Variants in OVCH1 observed in about 807,000 individuals in gnomAD.
OVCH1 encodes ovochymase-1.
A neutral mutation model predicts 138.4 loss-of-function variants in OVCH1; 139 were observed. The ratio of observed to expected loss-of-function variants is 1.00; its 90% CI spans 0.87 to 1.16. The LOEUF (loss-of-function observed/expected upper bound fraction) is 1.16. Ranked by LOEUF, OVCH1 falls within the 50% of genes most tolerant of loss-of-function variation. The pLI, the probability that OVCH1 is intolerant of heterozygous loss-of-function variation, is 0.00. For missense variants in OVCH1, 1,367 were observed against 1,357.9 expected, an observed-to-expected ratio of 1.01 and a Z score of -0.11; for synonymous variants, 453 against 467.8, an observed-to-expected ratio of 0.97 and a Z score of 0.41.
chr12:29,446,211 G>T (rs1168181605), intron 22 of OVCH1, among the ~76,000 whole-genome samples: 7 of 152,044 alleles, frequency 4.6e-5, no homozygotes, highest in Non-Finnish European at 5.9e-5. Context: ...TCAGAACCAA[G>T]ATGACTCAGT....
chr12:29,437,273 AATTT>A (rs1214645690), intron 26 of OVCH1, among the ~76,000 whole-genome samples: 2 of 152,134 alleles, frequency 1.3e-5, no homozygotes, highest in Non-Finnish European at 2.9e-5. Flanking sequence ...TTCACCTCTT[AATTT>A]GTCATTTTTA....
At chr12:29,435,034 G>T (rs1941332828) in intron 26 of OVCH1, among the ~76,000 whole-genome samples, 1 of 152,210 alleles carries the variant, frequency 6.6e-6, no homozygotes, top group Admixed American at 6.5e-5. Flanking sequence ...AAAAGTTATT[G>T]CTGTCACCAA....
chr12:29,468,490 CACAT>C lies in OVCH1; in HGVS notation c.1857-3275_1857-3272del, dbSNP rs1380577424. 3.9e-5 allele frequency among the ~76,000 whole-genome samples: 6 copies of C among 152,086 alleles called. 1 individual carries two copies. Among genetic ancestry groups the C allele is most frequent in the South Asian group, 4.1e-4 (2 of 4,826 alleles). On this transcript the variant is annotated intron_variant, in intron 16 of 27. Coordinates refer to ENST00000318184, the Ensembl canonical transcript of OVCH1. ...CTTGCTGTAAGGCGTCATGGCTCAT[CACAT>C]AAATTTCAGAATAGACCATGTAATT...
rs115996835 is a variant in OVCH1 at position 29,491,432 on chromosome 12, C to T, written c.455-240G>A. ...CAATTGTTCCGCACACCACGAGCCC[C>T]CTAATGTACTAACATTTTAGACTAT... On this transcript the variant is annotated intron_variant, in intron 4 of 27. Transcript: ENST00000318184. 2.6e-3 allele frequency among the ~76,000 whole-genome samples: 389 copies of T among 152,258 alleles called. 3 individuals are homozygous for T. Among genetic ancestry groups the T allele is most frequent in the African/African-American group, 8.8e-3 (367 of 41,542 alleles).
intron 4 of OVCH1, among the ~76,000 whole-genome samples, chr12:29,494,557 C>G (rs1215175115): frequency 6.6e-6 from 1 of 151,756 alleles, no homozygotes; most frequent in Non-Finnish European, 1.5e-5. Context: ...ACCAGTTGGC[C>G]AAAATATGGA....
At chr12:29,409,818 TGAG>T (rs958962884), downstream of OVCH1, among the ~76,000 whole-genome samples, 1 of 152,134 alleles carries the variant, frequency 6.6e-6, no homozygotes, top group African/African-American at 2.4e-5. Flanking sequence ...TAGATGTCTA[TGAG>T]GTCTGCTTGG....
At chr12:29,473,100 G>T (rs756791058) in exon 15 of OVCH1, 2 of 1,597,542 alleles carry the variant, frequency 1.3e-6, no homozygotes, top group South Asian at 2.2e-5. Context: ...TTTGTTTAAA[G>T]ACTCTGTAGA....
Position 29,477,369 on chromosome 12 carries a change from G to A in OVCH1, c.1218C>T (p.Thr406=), listed in dbSNP as rs144867067. ...CTTCTGACTTCTGTACAGCAGTAAC[G>A]GTAAGCTCAAAGCCACTGCCACTGT... Residue 406 remains threonine (T), a synonymous_variant, in exon 11 of 28, where the codon ACC becomes ACT. Coordinates refer to ENST00000318184, the Ensembl canonical transcript of OVCH1. 1.0e-3 allele frequency: 1,676 copies of A among 1,613,888 alleles called. 17 individuals carry two copies. The East Asian group carries it at 0.019, about 18-fold the overall frequency.
At chr12:29,417,127 A>T (rs1043831887) in intron 3 of OVCH1, among the ~76,000 whole-genome samples, 1 of 152,210 alleles carries the variant, frequency 6.6e-6, no homozygotes, top group Non-Finnish European at 1.5e-5. Context: ...AAATAACAAA[A>T]TTCTAGAAAT....
At chr12:29,430,411 G>A (rs995425424) in intron 27 of OVCH1, among the ~76,000 whole-genome samples, 2 of 152,210 alleles carry the variant, frequency 1.3e-5, no homozygotes, top group Non-Finnish European at 2.9e-5. Flanking sequence ...ACCAAGGTGG[G>A]TAGGGAAGGA....
intron 25 of OVCH1, among the ~76,000 whole-genome samples, chr12:29,441,514 A>G (rs1039128589): frequency 2.2e-4 from 33 of 152,344 alleles, no homozygotes; most frequent in African/African-American, 7.5e-4. Flanking sequence ...AACCATAAAA[A>G]ACCCTAGAAC....
At position 29,417,789 on chromosome 12, in the gene OVCH1, G is replaced by GTGTGTGTC. The variant is rs1555140773; in HGVS notation, c.*72-5065_*72-5064insGACACACA. 4.3e-3 allele frequency among the ~76,000 whole-genome samples: 648 copies of GTGTGTGTC among 150,244 alleles called. 6 individuals are homozygous for GTGTGTGTC. The highest frequency in any genetic ancestry group is 0.015 in the African/African-American group (618 of 40,870). ...TGTGTGTGTGTGTGTGTGTGTGTGT[G>GTGTGTGTC]TGTGTCTGTGTCTGTGTGTGTTTTA... On this transcript the variant is annotated intron_variant and NMD_transcript_variant, in intron 3 of 4. Transcript: ENST00000539117.
intron 8 of OVCH1, among the ~76,000 whole-genome samples, chr12:29,483,670 C>CA (rs572031723): frequency 9.9e-5 from 15 of 152,194 alleles, no homozygotes; most frequent in South Asian, 4.1e-4. Context: ...ACTCAAAACC[C>CA]AAAAAACCCC....
At chr12:29,435,479 G>A (rs1322206165) in intron 26 of OVCH1, among the ~76,000 whole-genome samples, 1 of 152,060 alleles carries the variant, frequency 6.6e-6, no homozygotes, top group Non-Finnish European at 1.5e-5. Flanking sequence ...CCATTCTCCT[G>A]CCTCAGCCTC....
At chr12:29,424,871 G>A (rs1037531745), downstream of OVCH1, among the ~76,000 whole-genome samples, 2 of 152,112 alleles carry the variant, frequency 1.3e-5, no homozygotes, top group African/African-American at 2.4e-5. Context: ...TTTGTTAAAC[G>A]AAAATAAACC....
At chr12:29,405,021 C>CAAAAAAAAAAAAAAAAAAAAA in the OVCH1 span, among the ~76,000 whole-genome samples, 1 of 80,440 alleles carries the variant, frequency 1.2e-5, no homozygotes, top group Non-Finnish European at 2.1e-5. Context: ...CACTCCACCT[C>CAAAAAAAAAAAAAAAAAAAAA]AAAAAAAAAA....
In OVCH1 at chr12:29,417,760, AGTGTGT is replaced by A. The variant is rs55835508; in HGVS notation, c.*72-5041_*72-5036del. Among the ~76,000 whole-genome samples, 1,040 of 149,690 alleles carry A rather than the reference AGTGTGT, an allele frequency of 6.9e-3. 7 individuals are homozygous for A. The highest frequency in any genetic ancestry group is 0.014 in the Middle Eastern group (4 of 294). On this transcript the variant is annotated intron_variant and NMD_transcript_variant, in intron 3 of 4. Coordinates refer to the OVCH1 transcript ENST00000539117. ...TGTCCAAAATGCAACCTGGCCTACA[AGTGTGT>A]GTGTGTGTGTGTGTGTGTGTGTGTG...
At chr12:29,468,913 CA>C (rs34664181) in intron 16 of OVCH1, among the ~76,000 whole-genome samples, 2 of 152,000 alleles carry the variant, frequency 1.3e-5, no homozygotes, top group Non-Finnish European at 1.5e-5. Flanking sequence ...TACCATTCTC[CA>C]AAAAAATGAA....
rs1555150351 is a variant in OVCH1 at position 29,473,121 on chromosome 12, A to AAT, written c.1601-19_1601-18insAT. The AAT allele has an allele frequency of 1.2e-5, 19 of 1,549,824 alleles. No homozygotes were observed. Among genetic ancestry groups the AAT allele is most frequent in the South Asian group, 7.0e-5 (6 of 85,942 alleles). The stretch of plus-strand genomic sequence containing the variant: ...TAAAGACTCTGTAGAAGAAAAAAAA[A>AAT]TTAATTGAAAGTAATTAGAGAAGTT... On this transcript the variant is annotated intron_variant, in intron 14 of 27. Transcript: ENST00000318184.
Sources: gnomAD v4.1 joint callset for allele counts (sites outside exome capture counted in the v4.1 genomes callset) on GRCh38, gnomAD v4.1.1 for gene constraint, MANE v1.5 for transcripts, NCBI Gene and HGNC (gene_info 2026-07-23, HGNC 2026-07-21) for gene names.